Variants in ZSCAN5A observed in about 807,000 individuals in gnomAD.
The protein encoded by ZSCAN5A is zinc finger and SCAN domain-containing protein 5A.
A neutral mutation model predicts 23.7 loss-of-function variants in ZSCAN5A; 12 were observed. That is an observed-to-expected ratio of 0.51 (90% CI 0.32 to 0.82). The LOEUF (loss-of-function observed/expected upper bound fraction) is 0.82. Among genes scored for constraint, ZSCAN5A ranks in the 40% least tolerant of loss-of-function variants. The pLI is 0.03. For missense variants in ZSCAN5A, 597 were observed against 617.9 expected, an observed-to-expected ratio of 0.97 and a Z score of 0.36; for synonymous variants, 257 against 239.9, an observed-to-expected ratio of 1.07 and a Z score of -0.66.
chr19:56,279,659 C>T (rs138685899), intron 2 of ZSCAN5A, among the ~76,000 whole-genome samples: 42 of 152,200 alleles, frequency 2.8e-4, no homozygotes, highest in Non-Finnish European at 3.2e-4. Flanking sequence ...TATTTAATCC[C>T]CACACCAGAC....
At position 56,329,345 on chromosome 19, in the gene ZSCAN5A, T is replaced by A. The variant is rs775928544; in HGVS notation, c.-357-13077A>T. Among the ~76,000 whole-genome samples, 116 of 152,026 alleles carry A rather than the reference T, an allele frequency of 7.6e-4. 1 individual carries two copies. The highest frequency in any genetic ancestry group is 1.3e-3 in the Non-Finnish European group (90 of 67,976). On this transcript the variant is annotated intron_variant, in intron 2 of 6. Coordinates refer to the ZSCAN5A transcript ENST00000587340. ...GCCTGGGTGACAGAGCCAGGCTCTG[T>A]CTCAGAAAACAAAAACAAAAACAAA... is the stretch of plus-strand genomic sequence containing the variant.
intron 2 of ZSCAN5A, among the ~76,000 whole-genome samples, chr19:56,361,890 G>A (rs1384060244): frequency 6.6e-6 from 1 of 152,074 alleles, no homozygotes; most frequent in Non-Finnish European, 1.5e-5. Context: ...GGGTGCGGTG[G>A]CTCACACCTG....
At chr19:56,264,574 G>A (rs1165126783) in intron 2 of ZSCAN5A, among the ~76,000 whole-genome samples, 1 of 152,200 alleles carries the variant, frequency 6.6e-6, no homozygotes, top group Non-Finnish European at 1.5e-5. Context: ...GGACTATGAA[G>A]TATGAAGAGT....
chr19:56,270,326 G>A (rs2037759780), intron 2 of ZSCAN5A, among the ~76,000 whole-genome samples: 1 of 152,128 alleles, frequency 6.6e-6, no homozygotes, highest in African/African-American at 2.4e-5. Flanking sequence ...GCTGAGGCAG[G>A]AGAATCGTTT....
At chr19:56,227,331 T>C (rs530218715) in intron 2 of ZSCAN5A, among the ~76,000 whole-genome samples, 186 of 152,344 alleles carry the variant, frequency 1.2e-3, no homozygotes, top group Non-Finnish European at 2.4e-3. Flanking sequence ...TTAATTTTTA[T>C]TGAAAAAGCA....
chr19:56,238,014 C>CACAT (rs1491283818), intron 2 of ZSCAN5A, among the ~76,000 whole-genome samples: 4 of 1,102 alleles, frequency 3.6e-3, no homozygotes, highest in Admixed American at 0.014. Flanking sequence ...TACACACACA[C>CACAT]GTCAAAGAAA....
upstream of ZSCAN5A, chr19:56,316,224 TGCTTG>T (rs766100929): frequency 1.3e-5 from 2 of 152,258 alleles, no homozygotes; most frequent in Non-Finnish European, 2.9e-5. Context: ...CCACTGACTT[TGCTTG>T]GGGACCTGGG....
At chr19:56,259,362 C>G (rs532329188) in intron 2 of ZSCAN5A, among the ~76,000 whole-genome samples, 1 of 152,230 alleles carries the variant, frequency 6.6e-6, no homozygotes, top group South Asian at 2.1e-4. Flanking sequence ...CCGCGCCTGG[C>G]TGCACCCTGT....
Position 56,285,024 on chromosome 19 carries a change from GGTAA to G in ZSCAN5A, c.-128+28255_-128+28258del, listed in dbSNP as rs1367526412. On this transcript the variant is annotated intron_variant, in intron 2 of 5. Transcript: ENST00000683990. ...TCTCATGAGCAGACTGTCACCGGAT[GGTAA>G]GTGTCAGGATTGTATCTTTTAAACC... 5.1e-6 allele frequency: 5 copies of G among 985,186 alleles called. No individual in the cohort carries two copies. The African/African-American group carries it at 7.0e-5, about 14-fold the overall frequency. 61.0% of individuals were successfully genotyped at this position (985,186 alleles called of 1,614,324 possible). A position where few individuals can be genotyped will look rare whatever the true frequency, so the allele number is the denominator to read the frequency against.
intron 2 of ZSCAN5A, chr19:56,312,183 C>T (rs2041081252): frequency 1.3e-5 from 2 of 152,164 alleles, no homozygotes; most frequent in African/African-American, 4.8e-5. Context: ...TATGGCACAT[C>T]TCAATTTGAA....
chr19:56,277,358 A>G (rs948625190), intron 2 of ZSCAN5A, among the ~76,000 whole-genome samples: 4 of 152,242 alleles, frequency 2.6e-5, no homozygotes, highest in Admixed American at 2.6e-4. Flanking sequence ...ACCCATAAAA[A>G]GAAACAAAGT....
At chr19:56,338,140 A>G (rs1002644200) in intron 2 of ZSCAN5A, 3 of 151,860 alleles carry the variant, frequency 2.0e-5, no homozygotes, top group Admixed American at 6.5e-5. Context: ...TCTGTAAGTA[A>G]CTTGCCAATA....
At chr19:56,222,420 C>A (rs970044885) in intron 5 of ZSCAN5A, 94 bp from the exon 6 acceptor site, 2 of 1,568,608 alleles carry the variant, frequency 1.3e-6, no homozygotes, top group Admixed American at 1.8e-5. Context: ...CTGACAACTT[C>A]CGCTCAAGCT....
chr19:56,338,155 A>T (rs999561702), intron 2 of ZSCAN5A: 3 of 149,454 alleles, frequency 2.0e-5, no homozygotes, highest in Non-Finnish European at 4.5e-5. Context: ...CCAATATCTC[A>T]TTTTTTTTTT....
chr19:56,298,441 TC>T (rs1182811461), intron 2 of ZSCAN5A, among the ~76,000 whole-genome samples: 1 of 152,116 alleles, frequency 6.6e-6, no homozygotes, highest in African/African-American at 2.4e-5. Context: ...ATTGAGACCA[TC>T]CCACCCAACA....
At chr19:56,306,380 A>C (rs1199977855) in intron 2 of ZSCAN5A, among the ~76,000 whole-genome samples, 1 of 90,274 alleles carries the variant, frequency 1.1e-5, no homozygotes, top group East Asian at 3.5e-4. Flanking sequence ...GGCCTCTCCC[A>C]CGTCGCCAGA....
chr19:56,350,134 C>G (rs2041658710), intron 2 of ZSCAN5A, among the ~76,000 whole-genome samples: 1 of 152,272 alleles, frequency 6.6e-6, no homozygotes, highest in East Asian at 1.9e-4. Context: ...ATCCTTATAA[C>G]AGGATTAATA....
At chr19:56,318,106 G>A (rs955704681), upstream of ZSCAN5A, 1 of 150,478 alleles carries the variant, frequency 6.6e-6, no homozygotes, top group African/African-American at 2.4e-5. Context: ...CATTTAGGTG[G>A]ACTGTTTGGC....
At chr19:56,313,903 A>G (rs565419251) in intron 1 of ZSCAN5A, among the ~76,000 whole-genome samples, 26 of 152,318 alleles carry the variant, frequency 1.7e-4, no homozygotes, top group African/African-American at 6.3e-4. Flanking sequence ...GGTATAGAAG[A>G]GTGTTCAGGA....
Sources: allele counts gnomAD v4.1 joint callset (sites outside exome capture counted in the v4.1 genomes callset), GRCh38; gene constraint gnomAD v4.1.1; transcripts MANE v1.5; gene names NCBI Gene and HGNC (gene_info 2026-07-23, HGNC 2026-07-21).